Variants in PSME1 observed in about 807,000 individuals in gnomAD.
PSME1 encodes proteasome activator complex subunit 1.
Under a neutral mutation model 38.4 loss-of-function variants are expected in PSME1, and 15 were observed. The observed-to-expected ratio is 0.39, with a 90% CI of 0.26 to 0.60. The LOEUF (loss-of-function observed/expected upper bound fraction) is 0.60, where lower values mean the gene tolerates loss of function less well. Ranked by LOEUF, PSME1 falls within the 20% of genes least tolerant of loss-of-function variation. The pLI is 0.53. For synonymous variants in PSME1, 106 were observed against 106.8 expected, an observed-to-expected ratio of 0.99 and a Z score of 0.05; for missense variants, 249 against 305.6, an observed-to-expected ratio of 0.81 and a Z score of 1.38.
At chr14:24,138,174 C>T (rs751922317) in intron 7 of PSME1, 22 bp from the exon 8 acceptor site, 5 of 1,614,134 alleles carry the variant, frequency 3.1e-6, no homozygotes, top group Non-Finnish European at 3.4e-6. Context: ...CTTCCACTTT[C>T]CCCCTTGCTT....
chr14:24,137,128 C>A lies in PSME1; in HGVS notation c.73-15C>A, dbSNP rs756698122. ...TGCTGACTCCCATCCTCCTCCACCC[C>A]CACCTCACACACAGACAGAGAACCT... On this transcript the variant is annotated splice_polypyrimidine_tract_variant and intron_variant, in intron 2 of 10. Coordinates refer to ENST00000206451, the MANE Select transcript of PSME1 (RefSeq NM_006263.4). The A allele has an allele frequency of 6.2e-7, 1 of 1,614,146 alleles. No homozygotes were observed. Among genetic ancestry groups the A allele is most frequent in the Non-Finnish European group, 8.5e-7 (1 of 1,179,968 alleles).
rs543391712 is a variant in PSME1 at position 24,136,381 on chromosome 14, A to G, written c.39+80A>G. The G allele has an allele frequency of 1.2e-3, 1,672 of 1,360,112 alleles. 41 individuals carry two copies. The South Asian group carries it at 0.023, about 18-fold the overall frequency. 84.3% of individuals were successfully genotyped at this position (1,360,112 alleles called of 1,614,324 possible). A position where few individuals can be genotyped will look rare whatever the true frequency, so the allele number is the denominator to read the frequency against. On this transcript the variant is annotated intron_variant, in intron 1 of 10. Coordinates refer to ENST00000206451, the MANE Select transcript of PSME1 (RefSeq NM_006263.4). This position sits in a 1 kb window ranked among gnomAD's most constrained non-coding sequence, Gnocchi z 4.8. ...CGGGGGCATCCCCGACCCGCCCCCC[A>G]GGCTCCCACGCGAGTCGGGGGCAGT...
chr14:24,138,704 C>T (rs1313411939), intron 10 of PSME1, 32 bp from the exon 11 acceptor site: 3 of 1,613,896 alleles, frequency 1.9e-6, no homozygotes, highest in Non-Finnish European at 2.5e-6. Flanking sequence ...CACTGGAGGC[C>T]TCTGACTGAC....
intron 5 of PSME1, 50 bp downstream of exon 5, chr14:24,137,615 GCTC>G (rs781050797): frequency 3.1e-6 from 5 of 1,612,420 alleles, no homozygotes; most frequent in South Asian, 1.1e-5. Context: ...ACTCACAGGA[GCTC>G]CTCCTAAGGA....
chr14:24,137,295 C>G (rs369923120), intron 3 of PSME1, 26 bp from the exon 4 acceptor site: 37 of 1,612,346 alleles, frequency 2.3e-5, no homozygotes, highest in Non-Finnish European at 3.1e-5. Flanking sequence ...TCCCTCACCT[C>G]CAGCCCTCCT....
At position 24,138,368 on chromosome 14, in the gene PSME1, C is replaced by A; in HGVS notation, c.551C>A (p.Ala184Glu). 6.2e-7 allele frequency: 1 copy of A among 1,614,186 alleles called. No homozygotes were observed. The highest frequency in any genetic ancestry group is 8.5e-7 in the Non-Finnish European group (1 of 1,180,038). ...AGGTATTTCTCTGAGCGTGGTGATGCAGTGACTAAAGCAGCCAAGCAGCCC... is the reference window on the plus strand; with the variant it reads ...AGGTATTTCTCTGAGCGTGGTGATGAAGTGACTAAAGCAGCCAAGCAGCCC... Reference protein sequence around the residue: ...ISKYFSERGDAVTKAAKQPHV... With the variant: ...ISKYFSERGDEVTKAAKQPHV... Residue 184 changes from alanine to glutamate, a missense_variant, in exon 9 of 11, where the codon GCA (alanine) becomes GAA (glutamate). Ala to Glu is a moderately radical substitution (Grantham distance 107, BLOSUM62 -1). Coordinates refer to ENST00000206451, the MANE Select transcript of PSME1 (RefSeq NM_006263.4).
intron 4 of PSME1, 33 bp downstream of exon 4, chr14:24,137,464 A>C: frequency 6.2e-7 from 1 of 1,614,050 alleles, no homozygotes; most frequent in Non-Finnish European, 8.5e-7. Flanking sequence ...AAGGGATCCA[A>C]CTATGGGGGT....
intron 10 of PSME1, 24 bp downstream of exon 10, chr14:24,138,584 G>GGCAGT: frequency 1.9e-6 from 3 of 1,614,002 alleles, no homozygotes; most frequent in Non-Finnish European, 2.5e-6. Flanking sequence ...GGCAGGGCAG[G>GGCAGT]GGTGGGCAGA....
At position 24,136,316 on chromosome 14, in the gene PSME1, G is replaced by T; in HGVS notation, c.39+15G>T. 2 of 1,518,402 alleles carry T rather than the reference G, an allele frequency of 1.3e-6. No individual in the cohort carries two copies. Among genetic ancestry groups the T allele is most frequent in the South Asian group, 2.5e-5 (2 of 80,170 alleles). The allele number at this position is 1,518,402 out of a possible 1,614,324, so 94.1% of individuals were successfully genotyped here. On this transcript the variant is annotated intron_variant, in intron 1 of 10. Coordinates refer to ENST00000206451, the MANE Select transcript of PSME1 (RefSeq NM_006263.4). The surrounding 1 kb of genome is among the most constrained non-coding windows in gnomAD (Gnocchi z 4.8). ...CCCAAGCCAAGGTGAGCGCCGCGGG[G>T]TCTAGAAAGGGCCCACTGGGGAGGC...
Position 24,138,610 on chromosome 14 carries a change from C to T in PSME1, c.669+50C>T, listed in dbSNP as rs763164468. ...GGTGGGCAGAGGCAGCTTTCCCAGG[C>T]CACCCACTCCCTGACCCTGCAGGCT... On this transcript the variant is annotated intron_variant, in intron 10 of 10. Coordinates refer to ENST00000206451, the MANE Select transcript of PSME1 (RefSeq NM_006263.4). 5.6e-6 allele frequency: 9 copies of T among 1,613,696 alleles called. No homozygotes were observed. The African/African-American group carries it at 1.1e-4, about 19-fold the overall frequency.
intron 10 of PSME1, 55 bp from the exon 11 acceptor site, chr14:24,138,681 T>C (rs1455510940): frequency 6.2e-7 from 1 of 1,613,718 alleles, no homozygotes; most frequent in East Asian, 2.2e-5. Context: ...AGGCTAGAAA[T>C]GGGGCACAGA....
At position 24,138,645 on chromosome 14, in the gene PSME1, G is replaced by A. The variant is rs757131278; in HGVS notation, c.669+85G>A. 4 of 1,613,542 alleles carry A rather than the reference G, an allele frequency of 2.5e-6. No individual in the cohort carries two copies. In the South Asian group the frequency reaches 3.3e-5, roughly 13 times the overall value. ...CCTGACCCTGCAGGCTAGGGGTTAA[G>A]GGTGACAAAGCTCAGCTTCTCCACA... On this transcript the variant is annotated intron_variant, in intron 10 of 10. Transcript: ENST00000206451.
rs1343093289 is a variant in PSME1, at chr14:24,137,690, C to A, written c.293-10C>A. The A allele has an allele frequency of 6.2e-7, 1 of 1,613,588 alleles. No individual in the cohort carries two copies. The highest frequency in any genetic ancestry group is 1.1e-5 in the South Asian group (1 of 91,040). ...TCAATCATGTGACTGACCCATTGCTCACTCTCTAGGTCCTCCCTGTGGCCC... is the reference window on the plus strand; with the variant it reads ...TCAATCATGTGACTGACCCATTGCTAACTCTCTAGGTCCTCCCTGTGGCCC... On this transcript the variant is annotated splice_polypyrimidine_tract_variant and intron_variant, in intron 5 of 10. Transcript: ENST00000206451.
Position 24,137,805 on chromosome 14 carries a change from C to T in PSME1, c.390+8C>T. ...ATTGAGCAGCTCAACCTGGTAAGCC[C>T]TCCCCCTTAAACTCTCAGGCTTCAA... On this transcript the variant is annotated splice_region_variant and intron_variant, in intron 6 of 10. Coordinates refer to ENST00000206451, the MANE Select transcript of PSME1 (RefSeq NM_006263.4). The T allele has an allele frequency of 6.2e-7, 1 of 1,612,906 alleles. No individual in the cohort carries two copies. The highest frequency in any genetic ancestry group is 1.3e-5 in the African/African-American group (1 of 75,032).
intron 5 of PSME1, 25 bp from the exon 6 acceptor site, chr14:24,137,675 G>T: frequency 1.2e-6 from 2 of 1,612,460 alleles, no homozygotes; most frequent in South Asian, 2.2e-5. Context: ...TCAATCATGT[G>T]ACTGACCCAT....
At chr14:24,138,007 G>A (rs2037942817) in intron 6 of PSME1, 42 bp from the exon 7 acceptor site, 2 of 1,605,416 alleles carry the variant, frequency 1.2e-6, no homozygotes, top group East Asian at 4.5e-5. Context: ...CTGGGAATTG[G>A]GTAGAGGGCT....
chr14:24,138,294 T>A, intron 8 of PSME1, 31 bp downstream of exon 8: 1 of 1,613,978 alleles, frequency 6.2e-7, no homozygotes, highest in Non-Finnish European at 8.5e-7. Context: ...ACACTGTTTT[T>A]GTTTTGGGAG....
In PSME1 at chr14:24,137,748, T is replaced by TGC; in HGVS notation, c.342_343dup (p.Gln115ArgfsTer4). On this transcript the variant is annotated frameshift_variant, in exon 6 of 11. Coordinates refer to ENST00000206451, the MANE Select transcript of PSME1 (RefSeq NM_006263.4). LOFTEE classifies it high-confidence loss of function. The stretch of plus-strand genomic sequence containing the variant: ...TGCAATGAAAAGATCGTGGTCCTTC[T>TGC]GCAGCGCTTGAAGCCTGAGATCAAG... The TGC allele has an allele frequency of 6.2e-7, 1 of 1,614,246 alleles. No individual in the cohort carries two copies. The highest frequency in any genetic ancestry group is 1.1e-5 in the South Asian group (1 of 91,088).
At chr14:24,137,915 C>T in intron 6 of PSME1, 118 bp downstream of exon 6, 3 of 1,487,530 alleles carry the variant, frequency 2.0e-6, no homozygotes, top group Non-Finnish European at 2.8e-6. Context: ...CAAGTGAAAC[C>T]AGAAGTCCAG....
Sources: allele counts gnomAD v4.1 joint callset, GRCh38; gene constraint gnomAD v4.1.1; non-coding constraint Gnocchi (gnomAD v3.1); transcripts MANE v1.5; gene names NCBI Gene and HGNC (gene_info 2026-07-23, HGNC 2026-07-21).